SYNPO2L: variants seen among roughly 807,000 people sequenced by gnomAD.
SYNPO2L encodes the protein synaptopodin 2 like, also known as synaptopodin 2-like protein.
SYNPO2L carries 34 observed loss-of-function variants against 47.5 expected under a neutral mutation model. The observed-to-expected ratio is 0.72, with a 90% CI of 0.54 to 0.95. The LOEUF (loss-of-function observed/expected upper bound fraction) is 0.95, where lower values mean the gene tolerates loss of function less well. SYNPO2L is among the 40% of genes least tolerant of loss of function. SYNPO2L has a pLI of 0.00. For missense variants in SYNPO2L, 1,246 were observed against 1,282.0 expected (o/e 0.97, Z 0.43); for synonymous variants, 536 against 524.9 (o/e 1.02, Z -0.29).
chr10:73,654,341 G>C, intron 1 of SYNPO2L, 61 bp from the exon 2 acceptor site: 1 of 1,537,090 alleles, frequency 6.5e-7, no homozygotes, highest in African/African-American at 1.4e-5. Flanking sequence ...AGAATGAAAG[G>C]AAAAGATGGG....
At position 73,645,694 on chromosome 10, in the gene SYNPO2L, T is replaced by C; in HGVS notation, c.*1024A>G. ...TTCATGCTCCATAACTTTCACAAGA[T>C]GCTGTACACCTGCTACAGACATTGG... On this transcript the variant is annotated 3_prime_UTR_variant, in exon 4 of 4. Transcript: ENST00000394810. 2.0e-6 allele frequency: 2 copies of C among 986,030 alleles called. No individual in the cohort carries two copies. Among genetic ancestry groups the C allele is most frequent in the South Asian group, 9.4e-5 (2 of 21,298 alleles). The allele number at this position is 986,030 out of a possible 1,614,324, so 61.1% of individuals were successfully genotyped here. A position where few individuals can be genotyped will look rare whatever the true frequency, so the allele number is the denominator to read the frequency against.
At position 73,654,233 on chromosome 10, in the gene SYNPO2L, G is replaced by A. The variant is rs1228357884; in HGVS notation, c.153C>T (p.Asp51=). Residue 51 remains aspartate (D), a synonymous_variant, in exon 2 of 4, where the codon GAC becomes GAT. Coordinates refer to ENST00000394810, the MANE Select transcript of SYNPO2L (RefSeq NM_001114133.3). Reference sequence around the variant, plus strand: ...AGACCCCATTGATTGCCAAGAGCTGGTCCCTCTCTCGGAGTCCTGCTCTGC... The same window carrying A: ...AGACCCCATTGATTGCCAAGAGCTGATCCCTCTCTCGGAGTCCTGCTCTGC... ...QAGRAGLRER[D]QLLAINGVSC... 4.5e-6 allele frequency: 7 copies of A among 1,551,582 alleles called. No homozygotes were observed. The African/African-American group carries it at 6.8e-5, about 15-fold the overall frequency.
At position 73,648,233 on chromosome 10, in the gene SYNPO2L, C is replaced by T. The variant is rs770717606; in HGVS notation, c.1419G>A (p.Pro473=). 1.3e-5 allele frequency: 21 copies of T among 1,586,346 alleles called. No homozygotes were observed. In the South Asian group the frequency reaches 2.1e-4, roughly 16 times the overall value. The change falls in exon 4 of 4, where the codon CCG becomes CCA. Residue 473 remains proline, a synonymous_variant. Coordinates refer to ENST00000394810, the MANE Select transcript of SYNPO2L (RefSeq NM_001114133.3). ...IFNRSARPFT[P]GLQGQRPTTT... ...TAGTTGGCCGCTGCCCTTGTAGGCC[C>T]GGGGTAAAGGGCCTGGCTGACCGGT...
intron 2 of SYNPO2L, 109 bp downstream of exon 2, chr10:73,654,020 G>T: frequency 7.3e-7 from 1 of 1,376,158 alleles, no homozygotes; most frequent in Non-Finnish European, 9.8e-7. Flanking sequence ...AAACGCACGA[G>T]CAGAAATAGG....
At position 73,647,691 on chromosome 10, in the gene SYNPO2L, G is replaced by C. The variant is rs899314285; in HGVS notation, c.1961C>G (p.Ser654Trp). 6.2e-7 allele frequency: 1 copy of C among 1,614,056 alleles called. No homozygotes were observed. The highest frequency in any genetic ancestry group is 8.5e-7 in the Non-Finnish European group (1 of 1,180,020). ...CTTTTCATCCAGGTTCTGTACCAGCGATAGCAGCTCGGGGTTGGGCGAGTT... is the reference window on the plus strand; with the variant it reads ...CTTTTCATCCAGGTTCTGTACCAGCCATAGCAGCTCGGGGTTGGGCGAGTT... ...TKNSPNPELL[S>W]LVQNLDEKPR... Residue 654 changes from serine (S) to tryptophan (W), a missense_variant, in exon 4 of 4, where the codon TCG (serine) becomes TGG (tryptophan). Transcript: ENST00000394810.
chr10:73,648,747 C>T lies in SYNPO2L; in HGVS notation c.905G>A (p.Arg302Gln), dbSNP rs746108179. The change falls in exon 4 of 4, where the codon CGG becomes CAG. Residue 302 changes from arginine to glutamine, a missense_variant. Around this residue, in one of 3 missense-constraint regions of SYNPO2L, gnomAD observed 1,037 missense variants for 1,021.5 expected, o/e 1.02. Transcript: ENST00000394810. ...SKGVLMFKKRRQRAKKYTLVS... is the reference protein window; with the variant it reads ...SKGVLMFKKRQQRAKKYTLVS... ...CAGGGTGTACTTCTTGGCTCTCTGC[C>T]GCCGTTTCTTAAACATAAGTACCCC... is the stretch of plus-strand genomic sequence containing the variant. 5 of 1,612,270 alleles carry T rather than the reference C, an allele frequency of 3.1e-6. No homozygotes were observed. The highest frequency in any genetic ancestry group is 1.1e-5 in the South Asian group (1 of 90,840).
chr10:73,645,680 T>C lies in SYNPO2L; in HGVS notation c.*1038A>G. 2.0e-6 allele frequency: 2 copies of C among 986,038 alleles called. No individual in the cohort carries two copies. The highest frequency in any genetic ancestry group is 2.4e-6 in the Non-Finnish European group (2 of 830,086). 61.1% of individuals were successfully genotyped at this position (986,038 alleles called of 1,614,324 possible). On this transcript the variant is annotated 3_prime_UTR_variant, in exon 4 of 4. Transcript: ENST00000394810. ...GGCCCTTCAGTCTTTTCATGCTCCATAACTTTCACAAGATGCTGTACACCT... is the reference window on the plus strand; with the variant it reads ...GGCCCTTCAGTCTTTTCATGCTCCACAACTTTCACAAGATGCTGTACACCT...
Position 73,648,171 on chromosome 10 carries a change from CT to C in SYNPO2L, c.1480del (p.Arg494GlyfsTer51). The C allele has an allele frequency of 1.9e-6, 3 of 1,558,436 alleles. No individual in the cohort carries two copies. Among genetic ancestry groups the C allele is most frequent in the Admixed American group, 1.8e-5 (1 of 54,978 alleles). ...SVIFRPLAPK[R>X]ANDSLGGLSP... ...GAGGCCCCCCAGGCTGTCGTTCGCC[CT>C]TTTGGGGGCTAAAGGCCGGAAAATA... On this transcript the variant is annotated frameshift_variant, in exon 4 of 4. Transcript: ENST00000394810. LOFTEE classifies it low-confidence loss of function (END_TRUNC).
Position 73,648,080 on chromosome 10 carries a change from C to A in SYNPO2L, c.1572G>T (p.Gly524=), listed in dbSNP as rs757846217. 1 of 1,574,708 alleles carries A rather than the reference C, an allele frequency of 6.4e-7. No individual in the cohort carries two copies. Among genetic ancestry groups the A allele is most frequent in the South Asian group, 1.2e-5 (1 of 84,306 alleles). ...GPTPLPSFTS[G]VPSHAPVSGS... ...CAGAGACTGGCGCGTGGCTGGGAAC[C>A]CCTGAAGTGAAGCTGGGCAGAGGGG... Residue 524 remains glycine (G), a synonymous_variant, in exon 4 of 4, where the codon GGG becomes GGT. Transcript: ENST00000394810.
rs761659998 is a variant in SYNPO2L at position 73,647,053 on chromosome 10, C to T, written c.2599G>A (p.Val867Ile). The stretch of plus-strand genomic sequence containing the variant: ...GCGATAGGGCCAGGAGTCGGGGGAA[C>T]CTCATCAAAACAGAACATGGCAGTT... ...LKTAMFCFDE[V>I]PPTPGPIASG... is the part of the protein sequence containing the mutation. Residue 867 changes from valine (V) to isoleucine (I), a missense_variant, in exon 4 of 4, where the codon GTT becomes ATT. By Grantham distance (29) the Val-to-Ile change is conservative (BLOSUM62 3). Transcript: ENST00000394810. 2.7e-5 allele frequency: 44 copies of T among 1,613,704 alleles called. No homozygotes were observed. The highest frequency in any genetic ancestry group is 3.2e-5 in the Non-Finnish European group (38 of 1,179,918).
chr10:73,648,399 C>T lies in SYNPO2L; in HGVS notation c.1253G>A (p.Gly418Asp). The change falls in exon 4 of 4, where the codon GGC becomes GAC. Residue 418 changes from glycine to aspartate, a missense_variant. Physicochemically the swap from Gly to Asp is moderately conservative, Grantham distance 94. Around this residue, in one of 3 missense-constraint regions of SYNPO2L, gnomAD observed 1,037 missense variants for 1,021.5 expected, o/e 1.02. Transcript: ENST00000394810. ...VEPAAMLNGEGLQSPPRAQSA... is the reference protein window; with the variant it reads ...VEPAAMLNGEDLQSPPRAQSA... ...CTGGGCCCGAGGTGGTGACTGCAGGCCTTCCCCGTTGAGCATGGCTGCTGG... is the reference window on the plus strand; with the variant it reads ...CTGGGCCCGAGGTGGTGACTGCAGGTCTTCCCCGTTGAGCATGGCTGCTGG... 2.5e-6 allele frequency: 4 copies of T among 1,607,360 alleles called. No homozygotes were observed. The highest frequency in any genetic ancestry group is 2.2e-5 in the East Asian group (1 of 44,870).
In SYNPO2L at chr10:73,653,335, G is replaced by C; in HGVS notation, c.576C>G (p.Pro192=). The C allele has an allele frequency of 1.3e-6, 2 of 1,551,592 alleles. No homozygotes were observed. The highest frequency in any genetic ancestry group is 1.7e-6 in the Non-Finnish European group (2 of 1,146,982). Reference sequence around the variant, plus strand: ...AGCTCACACGGCTGTCACCCTGGCTGGGAGGGCCAGGGATAGTAGGTGCTG... The same window carrying C: ...AGCTCACACGGCTGTCACCCTGGCTCGGAGGGCCAGGGATAGTAGGTGCTG... ...AEPAPTIPGP[P]SQGDSRVSSP... is the part of the protein sequence containing the mutation. Residue 192 remains proline (P), a synonymous_variant, in exon 3 of 4, where the codon CCC becomes CCG. Coordinates refer to ENST00000394810, the MANE Select transcript of SYNPO2L (RefSeq NM_001114133.3).
At position 73,648,384 on chromosome 10, in the gene SYNPO2L, G is replaced by A. The variant is rs2132418855; in HGVS notation, c.1268C>T (p.Pro423Leu). The A allele has an allele frequency of 6.2e-7, 1 of 1,607,248 alleles. No homozygotes were observed. The highest frequency in any genetic ancestry group is 8.5e-7 in the Non-Finnish European group (1 of 1,179,696). ...MLNGEGLQSP[P>L]RAQSAPPEAA... Reference sequence around the variant, plus strand: ...CTCTGGGGGAGCACTCTGGGCCCGAGGTGGTGACTGCAGGCCTTCCCCGTT... The same window carrying A: ...CTCTGGGGGAGCACTCTGGGCCCGAAGTGGTGACTGCAGGCCTTCCCCGTT... Residue 423 changes from proline (P) to leucine (L), a missense_variant, in exon 4 of 4, where the codon CCT becomes CTT. Transcript: ENST00000394810.
Position 73,653,238 on chromosome 10 carries a change from G to A in SYNPO2L, c.673C>T (p.Leu225Phe). Residue 225 changes from leucine (L) to phenylalanine (F), a missense_variant, in exon 3 of 4, where the codon CTC (leucine) becomes TTC (phenylalanine). By Grantham distance (22) the Leu-to-Phe change is conservative. Coordinates refer to ENST00000394810, the MANE Select transcript of SYNPO2L (RefSeq NM_001114133.3). Reference protein sequence around the residue: ...AEALLLPHGPLRPGPHLIPMV... With the variant: ...AEALLLPHGPFRPGPHLIPMV... ...GGGATGAGATGAGGACCAGGTCGGA[G>A]GGGGCCATGGGGTAACAGCAGAGCC... The A allele has an allele frequency of 1.3e-6, 2 of 1,534,998 alleles. No homozygotes were observed. Among genetic ancestry groups the A allele is most frequent in the Non-Finnish European group, 1.8e-6 (2 of 1,137,796 alleles).
chr10:73,645,818 G>A lies in SYNPO2L; in HGVS notation c.*900C>T. 5 of 985,912 alleles carry A rather than the reference G, an allele frequency of 5.1e-6. No individual in the cohort carries two copies. Among genetic ancestry groups the A allele is most frequent in the Non-Finnish European group, 6.0e-6 (5 of 830,074 alleles). 61.1% of individuals were successfully genotyped at this position (985,912 alleles called of 1,614,324 possible). A position where few individuals can be genotyped will look rare whatever the true frequency, so the allele number is the denominator to read the frequency against. On this transcript the variant is annotated 3_prime_UTR_variant, in exon 4 of 4. Coordinates refer to ENST00000394810, the MANE Select transcript of SYNPO2L (RefSeq NM_001114133.3). ...CAGTACAACGATAAGACTCAGATTG[G>A]GTCTTTTGTTTGTTTGTTTGTTTTG...
Position 73,646,634 on chromosome 10 carries a change from G to A in SYNPO2L, c.*84C>T. 1.5e-6 allele frequency: 2 copies of A among 1,351,240 alleles called. No individual in the cohort carries two copies. Among genetic ancestry groups the A allele is most frequent in the Admixed American group, 5.6e-5 (2 of 35,928 alleles). The allele number at this position is 1,351,240 out of a possible 1,614,324, so 83.7% of individuals were successfully genotyped here. ...AGGAGGCAATTTAGCTTCCAGATGC[G>A]TGACAGGGGATGGGATAGGGTAGGA... On this transcript the variant is annotated 3_prime_UTR_variant, in exon 4 of 4. Transcript: ENST00000394810.
chr10:73,652,147 T>C (rs942907651), intron 3 of SYNPO2L, among the ~76,000 whole-genome samples: 2 of 150,490 alleles, frequency 1.3e-5, no homozygotes, highest in African/African-American at 4.9e-5. Flanking sequence ...TTAATTTTTA[T>C]TATTTATTTA....
At chr10:73,652,831 A>G (rs192026734) in intron 3 of SYNPO2L, among the ~76,000 whole-genome samples, 11 of 152,230 alleles carry the variant, frequency 7.2e-5, no homozygotes, top group Admixed American at 2.0e-4. Flanking sequence ...CTTTCACCCA[A>G]TCATGACACA....
At chr10:73,651,440 A>G (rs998950) in intron 3 of SYNPO2L, among the ~76,000 whole-genome samples, 18,276 of 152,118 alleles carry the variant, frequency 0.12, 2,529 homozygotes, top group African/African-American at 0.32. Context: ...AAAGTTCTAT[A>G]GATCAGGAAT....
Sources: allele counts gnomAD v4.1 joint callset (sites outside exome capture counted in the v4.1 genomes callset), GRCh38; gene constraint gnomAD v4.1.1; regional missense constraint gnomAD v4.1.1; transcripts MANE v1.5; gene names NCBI Gene and HGNC (gene_info 2026-07-23, HGNC 2026-07-21).